Variants in ADD3 observed in about 807,000 individuals in gnomAD.
ADD3 encodes the protein adducin 3, also known as gamma-adducin.
A neutral mutation model predicts 80.2 loss-of-function variants in ADD3; 25 were observed. That is an observed-to-expected ratio of 0.31 (90% CI 0.23 to 0.44). ADD3 has a LOEUF of 0.44. Ranked by LOEUF, ADD3 falls within the 20% of genes least tolerant of loss-of-function variation. ADD3 has a pLI of 1.00. For synonymous variants in ADD3, 284 were observed against 289.6 expected (o/e 0.98, Z 0.20); for missense variants, 829 against 847.5 (o/e 0.98, Z 0.27).
At chr10:110,106,891 T>TA (rs1006476324) in intron 2 of ADD3, among the ~76,000 whole-genome samples, 2 of 152,164 alleles carry the variant, frequency 1.3e-5, no homozygotes, top group African/African-American at 4.8e-5. Flanking sequence ...AAATAAATCT[T>TA]ACCTAGTAGA....
upstream of ADD3, among the ~76,000 whole-genome samples, chr10:110,004,237 T>TA (rs934814184): frequency 5.4e-4 from 79 of 145,574 alleles, no homozygotes; most frequent in East Asian, 1.2e-3. Flanking sequence ...TAGGAGGCAT[T>TA]AAAAAAAAAA....
At chr10:110,030,565 T>C (rs571933639) in intron 1 of ADD3, among the ~76,000 whole-genome samples, 2 of 151,408 alleles carry the variant, frequency 1.3e-5, no homozygotes, top group South Asian at 2.2e-4. Flanking sequence ...AAATGGGTAT[T>C]AGGGTAGATT....
intron 11 of ADD3, 98 bp from the exon 12 acceptor site, chr10:110,126,319 T>C: frequency 1.1e-6 from 1 of 897,408 alleles, no homozygotes; most frequent in East Asian, 2.6e-5. Context: ...ACTCTCACTC[T>C]GGAAATGTCA....
intron 1 of ADD3, among the ~76,000 whole-genome samples, chr10:110,057,643 T>G (rs1343369233): frequency 6.6e-6 from 1 of 152,124 alleles, no homozygotes; most frequent in East Asian, 1.9e-4. Context: ...TGCAGTAAAG[T>G]TTGAAAACCA....
chr10:110,130,274 T>C, intron 12 of ADD3, 89 bp from the exon 13 acceptor site: 2 of 1,296,962 alleles, frequency 1.5e-6, no homozygotes, highest in East Asian at 4.7e-5. Context: ...AACATCATAT[T>C]TGCATTTATG....
chr10:110,116,206 C>T, intron 3 of ADD3, 53 bp from the exon 4 acceptor site: 1 of 1,585,100 alleles, frequency 6.3e-7, no homozygotes, highest in Non-Finnish European at 8.6e-7. Context: ...AACTAATTTC[C>T]AGGTAAGGGA....
chr10:110,091,091 T>G (rs1266090472), intron 1 of ADD3, among the ~76,000 whole-genome samples: 1 of 152,214 alleles, frequency 6.6e-6, no homozygotes, highest in Non-Finnish European at 1.5e-5. Context: ...TGTGTAGGTT[T>G]GATAGCCATG....
intron 1 of ADD3, among the ~76,000 whole-genome samples, chr10:110,081,377 C>T (rs1014935528): frequency 6.6e-6 from 1 of 152,216 alleles, no homozygotes; most frequent in Non-Finnish European, 1.5e-5. Flanking sequence ...TCTAAAATGA[C>T]AACTGCTCCT....
chr10:110,009,672 G>T (rs1852097447), intron 1 of ADD3, among the ~76,000 whole-genome samples: 1 of 152,152 alleles, frequency 6.6e-6, no homozygotes, highest in Non-Finnish European at 1.5e-5. Context: ...TTAACTTTAT[G>T]GAAGGAGGAC....
In ADD3 at chr10:110,112,829, A is replaced by T. The variant is rs779189030; in HGVS notation, c.248A>T (p.His83Leu). 5.0e-6 allele frequency: 8 copies of T among 1,614,166 alleles called. No individual in the cohort carries two copies. Among genetic ancestry groups the T allele is most frequent in the Non-Finnish European group, 6.8e-6 (8 of 1,180,014 alleles). ...CLIQEQMKKG[H>L]NPTGLLALQQ... Reference sequence around the variant, plus strand: ...ATTCAAGAACAGATGAAGAAAGGCCACAACCCAACTGGATTACTAGCATTA... The same window carrying T: ...ATTCAAGAACAGATGAAGAAAGGCCTCAACCCAACTGGATTACTAGCATTA... The change falls in exon 3 of 15, where the codon CAC becomes CTC. Residue 83 changes from histidine (H) to leucine (L), a missense_variant. Physicochemically the swap from His to Leu is moderately conservative, Grantham distance 99. Transcript: ENST00000356080.
chr10:110,021,992 A>G (rs1589755226), intron 1 of ADD3, among the ~76,000 whole-genome samples: 1 of 152,238 alleles, frequency 6.6e-6, no homozygotes, highest in Non-Finnish European at 1.5e-5. Context: ...CTGTTTTCCC[A>G]GTAGAAAGTT....
intron 1 of ADD3, among the ~76,000 whole-genome samples, chr10:110,099,374 T>C (rs980054101): frequency 6.6e-6 from 1 of 152,212 alleles, no homozygotes; most frequent in Admixed American, 6.5e-5. Flanking sequence ...CATATATTCA[T>C]TCTCAATTAA....
chr10:110,118,873 G>T, intron 6 of ADD3, 137 bp downstream of exon 6: 3 of 898,886 alleles, frequency 3.3e-6, no homozygotes, highest in Admixed American at 5.6e-5. Context: ...AAAGCAAAAG[G>T]CCTTTGGGAC....
intron 1 of ADD3, among the ~76,000 whole-genome samples, chr10:110,052,686 A>T (rs922717569): frequency 6.6e-6 from 1 of 152,246 alleles, no homozygotes; most frequent in African/African-American, 2.4e-5. Flanking sequence ...GTGCATAAAG[A>T]TACGTGGTTA....
At chr10:110,059,476 A>G (rs922151580) in intron 1 of ADD3, among the ~76,000 whole-genome samples, 1 of 146,254 alleles carries the variant, frequency 6.8e-6, no homozygotes, top group Non-Finnish European at 1.5e-5. Context: ...ACTCTGTCTC[A>G]TAAATAAATA....
chr10:110,021,709 G>T (rs534573713), intron 1 of ADD3, among the ~76,000 whole-genome samples: 4 of 152,226 alleles, frequency 2.6e-5, no homozygotes, highest in African/African-American at 9.6e-5. Flanking sequence ...TGCAGGGAGG[G>T]GGAAATGGGG....
At chr10:110,077,260 C>T (rs1845476019) in intron 1 of ADD3, 2 of 151,920 alleles carry the variant, frequency 1.3e-5, no homozygotes, top group Admixed American at 6.6e-5. Flanking sequence ...TTTATCACTC[C>T]ACTAAGTTTT....
At chr10:110,074,445 A>G (rs988121250) in intron 1 of ADD3, among the ~76,000 whole-genome samples, 2 of 152,026 alleles carry the variant, frequency 1.3e-5, no homozygotes, top group Non-Finnish European at 2.9e-5. Context: ...TGTCCTGTCT[A>G]TGTTGTATTT....
rs979011150 is a variant in ADD3 at position 110,122,468 on chromosome 10, G to A, written c.1143+176G>A. On this transcript the variant is annotated intron_variant, in intron 9 of 14. Coordinates refer to ENST00000356080, the MANE Select transcript of ADD3 (RefSeq NM_016824.5). Reference sequence around the variant, plus strand: ...GAATTAAACAGAACTTACAAATGTCGTGTTTTTTTTTTAAGATTACAATAT... The same window carrying A: ...GAATTAAACAGAACTTACAAATGTCATGTTTTTTTTTTAAGATTACAATAT... 2.6e-5 allele frequency among the ~76,000 whole-genome samples: 4 copies of A among 151,686 alleles called. No individual in the cohort carries two copies. In the South Asian group the frequency reaches 6.2e-4, roughly 24 times the overall value.
Sources: allele counts gnomAD v4.1 joint callset (sites outside exome capture counted in the v4.1 genomes callset), GRCh38; gene constraint gnomAD v4.1.1; transcripts MANE v1.5; gene names NCBI Gene and HGNC (gene_info 2026-07-23, HGNC 2026-07-21).